The following DIP2C variants were observed in gnomAD, a reference collection of about 807,000 sequenced individuals.
The protein encoded by DIP2C is disco-interacting protein 2 homolog C.
A neutral mutation model predicts 192.4 loss-of-function variants in DIP2C; 33 were observed. The observed-to-expected ratio is 0.17, with a 90% CI of 0.13 to 0.23. The LOEUF (loss-of-function observed/expected upper bound fraction) is 0.23. DIP2C is among the 10% of genes least tolerant of loss of function. DIP2C has a pLI of 1.00. For missense variants in DIP2C, 1,537 were observed against 2,110.1 expected (o/e 0.73, Z 5.32); for synonymous variants, 979 against 864.1 (o/e 1.13, Z -2.33).
At chr10:534,637 T>C (rs1407153477) in intron 1 of DIP2C, among the ~76,000 whole-genome samples, 1 of 151,990 alleles carries the variant, frequency 6.6e-6, no homozygotes, top group Non-Finnish European at 1.5e-5. Flanking sequence ...TCCCAGGCTG[T>C]CATCTTACAG....
At chr10:292,931 G>A (rs907623556) in intron 32 of DIP2C, among the ~76,000 whole-genome samples, 1 of 152,150 alleles carries the variant, frequency 6.6e-6, no homozygotes, top group African/African-American at 2.4e-5. Context: ...GGCAGCACCC[G>A]CTAGCTGGCA....
chr10:321,402 C>T (rs867475138), intron 31 of DIP2C, among the ~76,000 whole-genome samples: 13 of 152,304 alleles, frequency 8.5e-5, no homozygotes, highest in Middle Eastern at 3.4e-3. Context: ...CTGCTGCACA[C>T]GGGTGAGGCT....
chr10:286,144 A>C, intron 34 of DIP2C, 129 bp downstream of exon 34: 2 of 829,220 alleles, frequency 2.4e-6, no homozygotes, highest in Non-Finnish European at 4.0e-6. Flanking sequence ...TTCCCAGGCA[A>C]TCATAACTCA....
intron 1 of DIP2C, among the ~76,000 whole-genome samples, chr10:545,041 G>C (rs777333637): frequency 1.2e-3 from 185 of 151,958 alleles, no homozygotes; most frequent in African/African-American, 3.9e-3. Context: ...CTGTGTCCCC[G>C]CAAGATTCCC....
Position 579,822 on chromosome 10 carries a change from C to T in DIP2C, c.86-93292G>A, listed in dbSNP as rs567178416. On this transcript the variant is annotated intron_variant, in intron 1 of 36. Transcript: ENST00000280886. ...GTACATAGGTACACTATAATGTGTA[C>T]ATGCATAGCATGTACACACATCTGT... Among the ~76,000 whole-genome samples, 5 of 152,062 alleles carry T rather than the reference C, an allele frequency of 3.3e-5. No homozygotes were observed. In the East Asian group the frequency reaches 9.7e-4, roughly 29 times the overall value.
chr10:504,782 A>T (rs988930072), intron 1 of DIP2C, among the ~76,000 whole-genome samples: 2 of 152,254 alleles, frequency 1.3e-5, no homozygotes, highest in South Asian at 4.1e-4. Flanking sequence ...TTTCAGCTTC[A>T]TAACAGAAGG....
intron 1 of DIP2C, among the ~76,000 whole-genome samples, chr10:586,533 C>T (rs1044366879): frequency 6.6e-6 from 1 of 152,204 alleles, no homozygotes; most frequent in Non-Finnish European, 1.5e-5. Context: ...ACTTTCTCGG[C>T]CTCCTCCGGG....
At chr10:579,571 A>G (rs1161141451) in intron 1 of DIP2C, among the ~76,000 whole-genome samples, 1 of 151,932 alleles carries the variant, frequency 6.6e-6, no homozygotes, top group African/African-American at 2.4e-5. Context: ...ACACTATAAC[A>G]CATGCGTACA....
intron 1 of DIP2C, among the ~76,000 whole-genome samples, chr10:512,922 G>GAAAAAAAAAA (rs60269783): frequency 1.1e-5 from 1 of 92,208 alleles, no homozygotes; most frequent in East Asian, 3.1e-4. Context: ...CCCACTTCAG[G>GAAAAAAAAAA]AAAAAAAAAA....
intron 10 of DIP2C, among the ~76,000 whole-genome samples, chr10:392,820 A>ACACACACACACGCCCACG (rs1474607140): frequency 6.6e-6 from 1 of 150,462 alleles, no homozygotes; most frequent in South Asian, 2.1e-4. Context: ...CTCAGCGCAC[A>ACACACACACACGCCCACG]CACACACACA....
intron 1 of DIP2C, among the ~76,000 whole-genome samples, chr10:595,454 C>T (rs1026798376): frequency 6.6e-6 from 1 of 152,152 alleles, no homozygotes; most frequent in African/African-American, 2.4e-5. Flanking sequence ...ATATGTGTTT[C>T]CAGACTGTGG....
chr10:533,457 C>T (rs1847528714), intron 1 of DIP2C, among the ~76,000 whole-genome samples: 1 of 152,118 alleles, frequency 6.6e-6, no homozygotes, highest in Admixed American at 6.5e-5. Context: ...GACAAAGGTG[C>T]TCAAATCCTT....
chr10:669,336 A>T (rs1415611198), intron 1 of DIP2C: 2 of 152,186 alleles, frequency 1.3e-5, no homozygotes, highest in African/African-American at 4.8e-5. Flanking sequence ...GGGGGAGGAG[A>T]GCAAGAGGGG....
intron 3 of DIP2C, among the ~76,000 whole-genome samples, chr10:442,503 A>C (rs1967826202): frequency 6.6e-6 from 1 of 152,098 alleles, no homozygotes; most frequent in Admixed American, 6.5e-5. Flanking sequence ...ACTTCCCACA[A>C]ATCACTTTTT....
intron 9 of DIP2C, among the ~76,000 whole-genome samples, chr10:406,200 G>T (rs1313781688): frequency 6.6e-6 from 1 of 152,190 alleles, no homozygotes; most frequent in Non-Finnish European, 1.5e-5. Context: ...TACAGATAAA[G>T]GAGCTATTCC....
At chr10:549,616 G>C (rs1848484234) in intron 1 of DIP2C, among the ~76,000 whole-genome samples, 1 of 152,132 alleles carries the variant, frequency 6.6e-6, no homozygotes, top group Admixed American at 6.5e-5. Context: ...GCTTCAGAGG[G>C]GAGGGGTGCC....
chr10:648,171 A>G (rs10752016), intron 1 of DIP2C, among the ~76,000 whole-genome samples: 133,229 of 146,546 alleles, frequency 0.91, 60,741 homozygotes, highest in South Asian at 0.97. Context: ...GACAGTGGGC[A>G]AGAACAGAGG....
At chr10:649,804 CAG>C (rs1036993961) in intron 1 of DIP2C, 2 of 416,162 alleles carry the variant, frequency 4.8e-6, no homozygotes, top group African/African-American at 4.1e-5. Context: ...ACATAAAAGA[CAG>C]GGTCTTTCTG....
intron 24 of DIP2C, 122 bp from the exon 25 acceptor site, chr10:349,576 A>C (rs921858848): frequency 4.7e-5 from 64 of 1,366,354 alleles, no homozygotes; most frequent in Non-Finnish European, 6.1e-5. Flanking sequence ...TAGAACAAGC[A>C]CAGACCTGTG....
Sources: allele counts gnomAD v4.1 joint callset (sites outside exome capture counted in the v4.1 genomes callset), GRCh38; gene constraint gnomAD v4.1.1; transcripts MANE v1.5; gene names NCBI Gene and HGNC (gene_info 2026-07-23, HGNC 2026-07-21).